PPP3CA: variants seen among roughly 807,000 people sequenced by gnomAD.
PPP3CA encodes the protein CAM-PRP catalytic subunit.
In PPP3CA, 14 loss-of-function variants were observed where a neutral mutation model predicts 66.5. The observed-to-expected ratio is 0.21, with a 90% confidence interval of 0.14 to 0.33. PPP3CA has a LOEUF of 0.33. PPP3CA is among the 10% of genes least tolerant of loss of function. The pLI is 1.00. For missense variants in PPP3CA, 317 were observed against 639.5 expected (o/e 0.50, Z 5.44); for synonymous variants, 232 against 226.2 (o/e 1.03, Z -0.23).
intron 1 of PPP3CA, among the ~76,000 whole-genome samples, chr4:101,196,760 TA>T (rs1221905758): frequency 1.3e-5 from 2 of 152,226 alleles, no homozygotes; most frequent in Non-Finnish European, 2.9e-5. Flanking sequence ...CAGGTATTTT[TA>T]AAAATGACAC....
chr4:101,031,824 A>AATC (rs1238288400), intron 12 of PPP3CA, among the ~76,000 whole-genome samples: 6 of 152,234 alleles, frequency 3.9e-5, no homozygotes, highest in Non-Finnish European at 7.3e-5. Flanking sequence ...AGGATAATGA[A>AATC]ATCATCTCCT....
chr4:101,161,123 C>T (rs1293005968), intron 2 of PPP3CA, among the ~76,000 whole-genome samples: 1 of 152,016 alleles, frequency 6.6e-6, no homozygotes, highest in Non-Finnish European at 1.5e-5. Context: ...CTACAATATT[C>T]AGTACAGTAA....
At chr4:101,230,981 A>C (rs1725943454) in intron 1 of PPP3CA, among the ~76,000 whole-genome samples, 1 of 151,670 alleles carries the variant, frequency 6.6e-6, no homozygotes, top group Non-Finnish European at 1.5e-5. Context: ...TTCATGAATC[A>C]CTTTCAAAAT....
At chr4:101,314,606 A>G (rs1728830935) in intron 1 of PPP3CA, among the ~76,000 whole-genome samples, 1 of 151,646 alleles carries the variant, frequency 6.6e-6, no homozygotes, top group Non-Finnish European at 1.5e-5. Context: ...TTAATTTTCA[A>G]AATGGTAACT....
chr4:101,155,748 A>G (rs1723298022), intron 2 of PPP3CA, among the ~76,000 whole-genome samples: 1 of 152,226 alleles, frequency 6.6e-6, no homozygotes, highest in South Asian at 2.1e-4. Context: ...CCTCATTACT[A>G]CTTAAGGGTA....
intron 2 of PPP3CA, among the ~76,000 whole-genome samples, chr4:101,182,742 AT>A (rs1353377615): frequency 7.9e-5 from 12 of 152,266 alleles, no homozygotes; most frequent in Middle Eastern, 3.4e-3. Context: ...CTCATAGTGA[AT>A]TCCGACGTGT....
chr4:101,165,362 T>C (rs533617504), intron 2 of PPP3CA, among the ~76,000 whole-genome samples: 1 of 152,246 alleles, frequency 6.6e-6, no homozygotes, highest in South Asian at 2.1e-4. Context: ...TATAGACTAA[T>C]TATTCTTTGT....
intron 8 of PPP3CA, among the ~76,000 whole-genome samples, chr4:101,064,252 T>C (rs1295839953): frequency 6.6e-6 from 1 of 151,986 alleles, no homozygotes; most frequent in Non-Finnish European, 1.5e-5. Context: ...ATTCTATGGA[T>C]AGACAATTTG....
intron 2 of PPP3CA, among the ~76,000 whole-genome samples, chr4:101,194,967 G>A (rs147457966): frequency 5.2e-4 from 79 of 151,710 alleles, no homozygotes; most frequent in Non-Finnish European, 3.7e-4. Context: ...ACTAAAACAC[G>A]AAAAATAAAA....
chr4:101,249,565 T>C (rs1030097989), intron 1 of PPP3CA, among the ~76,000 whole-genome samples: 1 of 152,172 alleles, frequency 6.6e-6, no homozygotes, highest in Non-Finnish European at 1.5e-5. Flanking sequence ...AAGGAGTTAA[T>C]ATTTTGTGAG....
intron 2 of PPP3CA, among the ~76,000 whole-genome samples, chr4:101,158,003 G>A (rs1723380901): frequency 6.6e-6 from 1 of 151,190 alleles, no homozygotes; most frequent in South Asian, 2.1e-4. Context: ...ATGTCATATT[G>A]ATATACATCC....
In PPP3CA at chr4:101,106,453, GAGAAAAGA is replaced by G. The variant is rs202090020; in HGVS notation, c.384+2493_384+2500del. Among the ~76,000 whole-genome samples, 176 of 35,518 alleles carry G rather than the reference GAGAAAAGA, an allele frequency of 5.0e-3. 40 individuals are homozygous for G. Among genetic ancestry groups the G allele is most frequent in the South Asian group, 0.019 (17 of 900 alleles). 23.3% of individuals were successfully genotyped at this position (35,518 alleles called of 152,430 possible). On this transcript the variant is annotated intron_variant, in intron 3 of 13. Transcript: ENST00000394854. Reference sequence around the variant, plus strand: ...AGAAAGAAAGAAAGAAAGAAAGAAAGAGAAAAGAAAAGAAAAGAAAAGAAAAGAAAAGA... The same window carrying G: ...AGAAAGAAAGAAAGAAAGAAAGAAAGAAAGAAAAGAAAAGAAAAGAAAAGA...
At chr4:101,250,918 G>A (rs571635134) in intron 1 of PPP3CA, among the ~76,000 whole-genome samples, 33 of 151,996 alleles carry the variant, frequency 2.2e-4, no homozygotes, top group African/African-American at 7.7e-4. Context: ...CTCTTTTCCC[G>A]AACAATCAGT....
chr4:101,030,046 C>T (rs555066311), intron 12 of PPP3CA, among the ~76,000 whole-genome samples: 1 of 152,070 alleles, frequency 6.6e-6, no homozygotes, highest in Admixed American at 6.5e-5. Flanking sequence ...ACAGAAACAG[C>T]ATATTTCAGA....
chr4:101,030,370 A>G (rs771362510), intron 12 of PPP3CA, among the ~76,000 whole-genome samples: 4 of 152,148 alleles, frequency 2.6e-5, no homozygotes, highest in Non-Finnish European at 5.9e-5. Flanking sequence ...GGTTATCACC[A>G]TGGAGAGAGA....
At chr4:101,090,635 C>T in intron 6 of PPP3CA, among the ~76,000 whole-genome samples, 1 of 91,484 alleles carries the variant, frequency 1.1e-5, no homozygotes. Context: ...GAGTGAGACT[C>T]TGTCTCAAAA....
chr4:101,245,787 T>C (rs1726457604), intron 1 of PPP3CA, among the ~76,000 whole-genome samples: 1 of 151,970 alleles, frequency 6.6e-6, no homozygotes, highest in South Asian at 2.1e-4. Context: ...CTGTCCCTTC[T>C]TGGATTCTCA....
intron 2 of PPP3CA, among the ~76,000 whole-genome samples, chr4:101,189,165 T>C (rs73833259): frequency 0.065 from 9,861 of 152,082 alleles, 1,036 homozygotes; most frequent in African/African-American, 0.22. Flanking sequence ...ATAACTGCTA[T>C]GTAAATGGTT....
chr4:101,131,555 A>G (rs1054714277), intron 2 of PPP3CA, among the ~76,000 whole-genome samples: 1 of 152,166 alleles, frequency 6.6e-6, no homozygotes, highest in African/African-American at 2.4e-5. Flanking sequence ...AGAGCTAACT[A>G]TCCTAAATAT....
Sources: gnomAD v4.1 joint callset for allele counts (sites outside exome capture counted in the v4.1 genomes callset) on GRCh38, gnomAD v4.1.1 for gene constraint, MANE v1.5 for transcripts, NCBI Gene and HGNC (gene_info 2026-07-23, HGNC 2026-07-21) for gene names.